The following CFAP47 variants were observed in gnomAD, a reference collection of about 807,000 sequenced individuals.
CFAP47 encodes cilia and flagella associated protein 47.
In CFAP47, 29 loss-of-function variants were observed where a neutral mutation model predicts 148.1. That is an observed-to-expected ratio of 0.20 (90% CI 0.15 to 0.27). The LOEUF (loss-of-function observed/expected upper bound fraction) is 0.27. CFAP47 is among the 10% of genes least tolerant of loss of function. The probability of loss-of-function intolerance (pLI) is 1.00; values close to 1 mark genes in which losing one functional copy is unlikely to be tolerated. For synonymous variants in CFAP47, 664 were observed against 577.3 expected (o/e 1.15, Z -2.15); for missense variants, 1,872 against 1,697.5 (o/e 1.10, Z -1.81).
intron 10 of CFAP47, among the ~76,000 whole-genome samples, chrX:35,969,087 G>A (rs190808121): frequency 0.012 from 1,351 of 110,023 alleles, 7 homozygotes; most frequent in Admixed American, 0.025. Context: ...TTAATCAAAT[G>A]ATCTAAAAAT....
chrX:36,146,852 C>T (rs1387141683), intron 36 of CFAP47, among the ~76,000 whole-genome samples: 1 of 104,989 alleles, frequency 9.5e-6, no homozygotes, highest in Non-Finnish European at 1.9e-5. Context: ...ACGATCTCGG[C>T]TCACTGCAAC....
intron 40 of CFAP47, among the ~76,000 whole-genome samples, chrX:36,185,029 G>T (rs73472866): frequency 0.018 from 1,998 of 111,324 alleles, 42 homozygotes; most frequent in African/African-American, 0.061. Context: ...TTAGAATTAG[G>T]CAAGGGTCTT....
chrX:35,958,796 G>T (rs1475830393), intron 8 of CFAP47, among the ~76,000 whole-genome samples: 1 of 111,984 alleles, frequency 8.9e-6, no homozygotes, highest in African/African-American at 3.2e-5. Flanking sequence ...CAGAATTCAG[G>T]TTTCACTTGA....
At chrX:36,136,001 C>G (rs1939037823) in intron 33 of CFAP47, among the ~76,000 whole-genome samples, 1 of 111,310 alleles carries the variant, frequency 9.0e-6, no homozygotes, top group South Asian at 3.7e-4. Context: ...ACACCTTACT[C>G]TAGTTTCTGA....
intron 33 of CFAP47, among the ~76,000 whole-genome samples, chrX:36,115,544 C>T (rs1281919853): frequency 1.8e-5 from 2 of 111,594 alleles, no homozygotes; most frequent in Non-Finnish European, 3.8e-5. Flanking sequence ...ATGTACTATG[C>T]TAATCAAGCA....
rs150301751 is a variant in CFAP47 at position 35,962,842 on chromosome X, C to A, written c.1411-3723C>A. Among the ~76,000 whole-genome samples, 725 of 109,152 alleles carry A rather than the reference C, an allele frequency of 6.6e-3. 2 individuals carry two copies. Among genetic ancestry groups the A allele is most frequent in the Middle Eastern group, 0.023 (5 of 215 alleles). The allele number at this position is 109,152 out of a possible 115,157, so 94.8% of individuals were successfully genotyped here. On this transcript the variant is annotated intron_variant, in intron 8 of 63. Coordinates refer to ENST00000378653, the MANE Select transcript of CFAP47 (RefSeq NM_001304548.2). The stretch of plus-strand genomic sequence containing the variant: ...CACTTAGGTTGATTGCATATTTTGG[C>A]TATAGAATGATGCTGCAATTAACAT...
chrX:36,167,709 T>C (rs777008000), intron 39 of CFAP47, among the ~76,000 whole-genome samples: 1 of 111,839 alleles, frequency 8.9e-6, no homozygotes, highest in Non-Finnish European at 1.9e-5. Flanking sequence ...CCTATGTTCT[T>C]GGCAAAAACA....
intron 27 of CFAP47, among the ~76,000 whole-genome samples, chrX:36,068,817 A>G (rs1452415023): frequency 1.8e-5 from 2 of 109,177 alleles, no homozygotes; most frequent in Non-Finnish European, 1.9e-5. Flanking sequence ...TTAGCTGGGT[A>G]TGGGGGCACG....
chrX:36,161,168 C>A (rs1939426264), intron 39 of CFAP47, among the ~76,000 whole-genome samples: 1 of 111,426 alleles, frequency 9.0e-6, no homozygotes, highest in Non-Finnish European at 1.9e-5. Context: ...ATCTCTTCAA[C>A]ATGAACCATT....
intron 27 of CFAP47, among the ~76,000 whole-genome samples, chrX:36,069,235 A>G (rs1201459110): frequency 9.0e-6 from 1 of 111,134 alleles, no homozygotes; most frequent in African/African-American, 3.3e-5. Flanking sequence ...TGTTTTACCT[A>G]TTTAAAAGGG....
chrX:35,948,389 C>T lies in CFAP47; in HGVS notation c.593C>T (p.Ser198Leu). The change falls in exon 4 of 64, where the codon TCA (serine) becomes TTA (leucine). Residue 198 changes from serine (S) to leucine (L), a missense_variant. Physicochemically the swap from Ser to Leu is moderately radical, Grantham distance 145. Transcript: ENST00000378653. ...ACTAGTGGTATCGTGGATGCTAAGT[C>T]ATCAATGGTTATTAAAGTAGATTTC... ...FPTSGIVDAKSSMVIKVDFCA... is the reference protein window; with the variant it reads ...FPTSGIVDAKLSMVIKVDFCA... The T allele has an allele frequency of 1.7e-6, 2 of 1,201,902 alleles. No individual in the cohort carries two copies. The highest frequency in any genetic ancestry group is 3.5e-5 in the African/African-American group (2 of 57,629).
intron 6 of CFAP47, 33 bp from the exon 7 acceptor site, chrX:35,953,559 C>T: frequency 9.0e-7 from 1 of 1,113,857 alleles, no homozygotes. Context: ...ATCAACTTTG[C>T]TTTAAAAATA....
At chrX:36,074,899 C>T (rs1431612081) in intron 29 of CFAP47, among the ~76,000 whole-genome samples, 1 of 110,974 alleles carries the variant, frequency 9.0e-6, no homozygotes. Context: ...TCTTTCTATG[C>T]CTGGCTTATT....
In CFAP47 at chrX:36,098,942, G is replaced by A. The variant is rs370902061; in HGVS notation, c.4998+68G>A. ...TTGTATGTACTGGTATTTGGCCTAT[G>A]TTAGAATATTCTACTTCAGACTGTT... is the stretch of plus-strand genomic sequence containing the variant. On this transcript the variant is annotated intron_variant, in intron 31 of 63. Coordinates refer to ENST00000378653, the MANE Select transcript of CFAP47 (RefSeq NM_001304548.2). 1.0e-3 allele frequency: 535 copies of A among 523,487 alleles called. 8 individuals carry two copies. In the South Asian group the frequency reaches 0.022, roughly 21 times the overall value. The allele number at this position is 523,487 out of a possible 1,213,427, so 43.1% of individuals were successfully genotyped here.
intron 26 of CFAP47, among the ~76,000 whole-genome samples, chrX:36,051,656 G>C (rs1470976498): frequency 9.0e-6 from 1 of 111,536 alleles, no homozygotes; most frequent in Non-Finnish European, 1.9e-5. Context: ...TATCAGATGA[G>C]ACTTTGACTG....
At chrX:36,234,806 T>A (rs1037244747) in intron 46 of CFAP47, among the ~76,000 whole-genome samples, 1 of 111,805 alleles carries the variant, frequency 8.9e-6, no homozygotes, top group African/African-American at 3.3e-5. Flanking sequence ...GTGGATGTCC[T>A]TTCTGTTTGT....
chrX:36,080,311 A>G (rs1442249030), intron 29 of CFAP47, among the ~76,000 whole-genome samples: 1 of 111,630 alleles, frequency 9.0e-6, no homozygotes, highest in Non-Finnish European at 1.9e-5. Flanking sequence ...AGAAATAGGA[A>G]CACTTTTACA....
At chrX:36,266,389 T>C (rs962133839) in intron 49 of CFAP47, among the ~76,000 whole-genome samples, 17 of 110,212 alleles carry the variant, frequency 1.5e-4, no homozygotes, top group Non-Finnish European at 1.9e-4. Flanking sequence ...TGGGTGGCCA[T>C]GGGCTGGAAG....
chrX:35,951,374 C>T lies in CFAP47; in HGVS notation c.885+15C>T, dbSNP rs372098613. 26 of 1,009,413 alleles carry T rather than the reference C, an allele frequency of 2.6e-5. No homozygotes were observed. In the African/African-American group the frequency reaches 3.0e-4, roughly 12 times the overall value. 83.2% of individuals were successfully genotyped at this position (1,009,413 alleles called of 1,213,427 possible). ...GAGAAGAATTGGTAAGTAAGTGGTG[C>T]GACAGGGATATCAGATATTATGACT... On this transcript the variant is annotated intron_variant, in intron 5 of 63. Transcript: ENST00000378653.
Sources: gnomAD v4.1 joint callset for allele counts (sites outside exome capture counted in the v4.1 genomes callset) on GRCh38, gnomAD v4.1.1 for gene constraint, MANE v1.5 for transcripts, NCBI Gene and HGNC (gene_info 2026-07-23, HGNC 2026-07-21) for gene names.